The following HMOX2 variants were observed in gnomAD, a reference collection of about 807,000 sequenced individuals.
The protein encoded by HMOX2 is heme oxygenase 2.
In HMOX2, 30 loss-of-function variants were observed where a neutral mutation model predicts 33.7. That is an observed-to-expected ratio of 0.89 (90% CI 0.67 to 1.21). The LOEUF is 1.21. Ranked by LOEUF, HMOX2 falls within the 50% of genes most tolerant of loss-of-function variation. HMOX2 has a pLI of 0.00. For synonymous variants in HMOX2, 155 were observed against 155.0 expected (o/e 1.00, Z 0.00); for missense variants, 403 against 399.1 (o/e 1.01, Z -0.08).
Position 4,505,586 on chromosome 16 carries a change from C to A in HMOX2, c.62C>A (p.Ala21Asp), listed in dbSNP as rs749372202. The A allele has an allele frequency of 3.7e-6, 6 of 1,600,174 alleles. No individual in the cohort carries two copies. Among genetic ancestry groups the A allele is most frequent in the South Asian group, 2.2e-5 (2 of 89,104 alleles). ...VDESEKKNSG[A>D]LEKENQMRMA... is the part of the protein sequence containing the mutation. The stretch of plus-strand genomic sequence containing the variant: ...GAGTCAGAAAAAAAGAACTCTGGGG[C>A]CCTAGAAAAGGAGAACCAAATGAGG... The change falls in exon 2 of 6, where the codon GCC (alanine) becomes GAC (aspartate). Residue 21 changes from alanine to aspartate, a missense_variant. By Grantham distance (126) the Ala-to-Asp change is moderately radical. Transcript: ENST00000570646.
At chr16:4,484,289 T>G (rs1167499257) in intron 1 of HMOX2, among the ~76,000 whole-genome samples, 1 of 151,694 alleles carries the variant, frequency 6.6e-6, no homozygotes, top group Non-Finnish European at 1.5e-5. Context: ...TGCCCAAATT[T>G]TAAAGGAGGC....
intron 1 of HMOX2, among the ~76,000 whole-genome samples, chr16:4,476,936 C>T (rs1029437508): frequency 1.3e-5 from 2 of 152,132 alleles, no homozygotes; most frequent in East Asian, 1.9e-4. Flanking sequence ...GGGCTGTTGG[C>T]ATTGACCGGG....
chr16:4,506,005 C>A (rs1454152770), intron 2 of HMOX2, among the ~76,000 whole-genome samples: 1 of 152,150 alleles, frequency 6.6e-6, no homozygotes, highest in Non-Finnish European at 1.5e-5. Context: ...AGGGACAGCT[C>A]ATGCTAAACC....
At chr16:4,494,635 T>A (rs1269617904) in intron 1 of HMOX2, among the ~76,000 whole-genome samples, 2 of 152,108 alleles carry the variant, frequency 1.3e-5, no homozygotes, top group Non-Finnish European at 2.9e-5. Context: ...TCCCAGCATT[T>A]TGGGAGGCTG....
intron 1 of HMOX2, among the ~76,000 whole-genome samples, chr16:4,481,242 G>A (rs899910822): frequency 2.9e-4 from 44 of 151,740 alleles, no homozygotes; most frequent in African/African-American, 1.0e-3. Context: ...CCGGCTACTC[G>A]GGAGGCTGAG....
At chr16:4,495,315 T>G (rs2058392806) in intron 1 of HMOX2, among the ~76,000 whole-genome samples, 1 of 152,192 alleles carries the variant, frequency 6.6e-6, no homozygotes, top group African/African-American at 2.4e-5. Flanking sequence ...CTGCTGGTAG[T>G]GCTGGGAAAG....
intron 1 of HMOX2, among the ~76,000 whole-genome samples, chr16:4,494,121 C>T (rs374461611): frequency 2.6e-4 from 40 of 152,104 alleles, no homozygotes; most frequent in African/African-American, 9.4e-4. Flanking sequence ...TCGAGACCAT[C>T]CTGGCTAACA....
chr16:4,506,960 C>A lies in HMOX2; in HGVS notation c.152C>A (p.Thr51Asn). The A allele has an allele frequency of 2.5e-6, 4 of 1,614,062 alleles. No individual in the cohort carries two copies. The highest frequency in any genetic ancestry group is 3.4e-6 in the Non-Finnish European group (4 of 1,179,946). ...GAAGCACACGACCGGGCAGAAAACA[C>A]CCAGTTTGTCAAGGACTTCTTGAAA... ...TKEAHDRAEN[T>N]QFVKDFLKGN... Residue 51 changes from threonine to asparagine, a missense_variant, in exon 3 of 6, where the codon ACC becomes AAC. By Grantham distance (65) the Thr-to-Asn change is moderately conservative. Transcript: ENST00000570646.
chr16:4,506,355 C>T (rs17881522), intron 2 of HMOX2, among the ~76,000 whole-genome samples: 5,286 of 152,242 alleles, frequency 0.035, 305 homozygotes, highest in African/African-American at 0.12. Context: ...CCTAGCCTCT[C>T]GGTTGTCTCC....
intron 1 of HMOX2, among the ~76,000 whole-genome samples, chr16:4,477,171 G>C (rs1292610781): frequency 6.6e-6 from 1 of 152,114 alleles, no homozygotes. Flanking sequence ...CCTCCTTGCA[G>C]TCTTTGCACG....
rs777612788 is a variant in HMOX2, at chr16:4,506,905, C to T, written c.97C>T (p.Leu33Phe). 16 of 1,612,898 alleles carry T rather than the reference C, an allele frequency of 9.9e-6. No homozygotes were observed. In the South Asian group the frequency reaches 1.3e-4, roughly 13 times the overall value. Residue 33 changes from leucine to phenylalanine, a missense_variant, in exon 3 of 6, where the codon CTC (leucine) becomes TTC (phenylalanine). Transcript: ENST00000570646. ...CCCATCTCTCCACAGAATGGCTGAC[C>T]TCTCGGAGCTCCTGAAGGAAGGGAC... ...EKENQMRMAD[L>F]SELLKEGTKE...
At chr16:4,498,061 CTTTTTTTTTTT>C (rs35332500) in intron 1 of HMOX2, among the ~76,000 whole-genome samples, 2 of 104,426 alleles carry the variant, frequency 1.9e-5, no homozygotes, top group Non-Finnish European at 3.8e-5. Flanking sequence ...GATTCATTGT[CTTTTTTTTTTT>C]TTTTTTTTTT....
intron 1 of HMOX2, among the ~76,000 whole-genome samples, chr16:4,498,254 A>G (rs192709312): frequency 2.0e-5 from 3 of 151,662 alleles, no homozygotes; most frequent in East Asian, 3.9e-4. Flanking sequence ...TTTAGTAGAG[A>G]TGGGGTTTTG....
chr16:4,486,154 A>G (rs539589152), intron 1 of HMOX2, among the ~76,000 whole-genome samples: 3 of 152,368 alleles, frequency 2.0e-5, no homozygotes, highest in South Asian at 2.1e-4. Flanking sequence ...TCCCATCTTC[A>G]AAAGTACACA....
chr16:4,503,445 G>A (rs2058610333), intron 1 of HMOX2, among the ~76,000 whole-genome samples: 1 of 152,222 alleles, frequency 6.6e-6, no homozygotes, highest in African/African-American at 2.4e-5. Flanking sequence ...GCATCGTACA[G>A]TTCATCAGCA....
At chr16:4,490,627 A>G (rs1167964936) in intron 1 of HMOX2, among the ~76,000 whole-genome samples, 1 of 152,226 alleles carries the variant, frequency 6.6e-6, no homozygotes, top group East Asian at 1.9e-4. Context: ...AAAAAGGTCT[A>G]TTCCCAGGAA....
chr16:4,476,241 C>T (rs1358491972), upstream of HMOX2: 2 of 152,334 alleles, frequency 1.3e-5, no homozygotes, highest in African/African-American at 4.8e-5. Flanking sequence ...ACTTACCCCG[C>T]TGAGCAGAGC....
At chr16:4,484,906 G>GA (rs1326145946) in intron 1 of HMOX2, among the ~76,000 whole-genome samples, 11 of 150,758 alleles carry the variant, frequency 7.3e-5, no homozygotes, top group Admixed American at 6.6e-4. Flanking sequence ...ATCATGACAA[G>GA]AAAAAAAATC....
At chr16:4,494,509 C>T (rs1204157561) in intron 1 of HMOX2, among the ~76,000 whole-genome samples, 1 of 151,974 alleles carries the variant, frequency 6.6e-6, no homozygotes, top group Admixed American at 6.6e-5. Flanking sequence ...ATTTTCTGCT[C>T]TTTAAGTGTG....
Sources: gnomAD v4.1 joint callset for allele counts (sites outside exome capture counted in the v4.1 genomes callset) on GRCh38, gnomAD v4.1.1 for gene constraint, MANE v1.5 for transcripts, NCBI Gene and HGNC (gene_info 2026-07-23, HGNC 2026-07-21) for gene names.